ATXN7L2: variants seen among roughly 807,000 people sequenced by gnomAD.
ATXN7L2 encodes ataxin 7 like 2.
In ATXN7L2, 17 loss-of-function variants were observed where a neutral mutation model predicts 59.6. That is an observed-to-expected ratio of 0.29 (90% CI 0.20 to 0.43). The LOEUF (loss-of-function observed/expected upper bound fraction) is 0.43, where lower values mean the gene tolerates loss of function less well. Ranked by LOEUF, ATXN7L2 falls within the 20% of genes least tolerant of loss-of-function variation. ATXN7L2 has a pLI of 1.00. For synonymous variants in ATXN7L2, 378 were observed against 392.5 expected (o/e 0.96, Z 0.44); for missense variants, 858 against 1,008.9 (o/e 0.85, Z 2.03).
chr1:109,487,241 T>A, intron 4 of ATXN7L2, 24 bp downstream of exon 4: 1 of 1,492,466 alleles, frequency 6.7e-7, no homozygotes, highest in Non-Finnish European at 8.9e-7. Flanking sequence ...GGAAACTTTC[T>A]AAGACTGGCC....
intron 10 of ATXN7L2, 41 bp from the exon 11 acceptor site, chr1:109,492,545 C>T: frequency 1.2e-6 from 2 of 1,613,590 alleles, no homozygotes; most frequent in Non-Finnish European, 1.7e-6. Context: ...GCTGGTAGGC[C>T]CCCACCCTGA....
Position 109,491,657 on chromosome 1 carries a change from T to C in ATXN7L2, c.2190T>C (p.Ser730=). The change falls in exon 10 of 11, where the codon TCT becomes TCC. Residue 730 remains serine (S), a synonymous_variant. Transcript: ENST00000683729. This position sits in a 1 kb window ranked among gnomAD's most constrained non-coding sequence, Gnocchi z 4.1. Reference sequence around the variant, plus strand: ...GTGCCCCTGCTGATGTGGCCTGCTCTGTGCGCCGCAAGAAGCCAGGCCCGG... The same window carrying C: ...GTGCCCCTGCTGATGTGGCCTGCTCCGTGCGCCGCAAGAAGCCAGGCCCGG... ...QAGAPADVAC[S]VRRKKPGPAL... 3 of 1,611,738 alleles carry C rather than the reference T, an allele frequency of 1.9e-6. No homozygotes were observed. The highest frequency in any genetic ancestry group is 1.7e-6 in the Non-Finnish European group (2 of 1,179,054).
chr1:109,490,087 C>T lies in ATXN7L2; in HGVS notation c.1291C>T (p.Pro431Ser), dbSNP rs781395725. 4 of 1,594,384 alleles carry T rather than the reference C, an allele frequency of 2.5e-6. No individual in the cohort carries two copies. Among genetic ancestry groups the T allele is most frequent in the African/African-American group, 1.3e-5 (1 of 74,308 alleles). ...EGTSDDLHPP[P>S]DCHYATRPPR... ...GACATCTGACGACCTCCACCCACCC[C>T]CTGACTGCCATTATGCAACCCGGCC... The change falls in exon 8 of 11, where the codon CCT (proline) becomes TCT (serine). Residue 431 changes from proline (P) to serine (S), a missense_variant. By Grantham distance (74) the Pro-to-Ser change is moderately conservative. Coordinates refer to ENST00000683729, the MANE Select transcript of ATXN7L2 (RefSeq NM_001350175.2).
chr1:109,487,873 G>A, intron 5 of ATXN7L2, 69 bp downstream of exon 5: 1 of 1,497,680 alleles, frequency 6.7e-7, no homozygotes. Context: ...TTGTCCTTGG[G>A]CTGGATGAGG....
In ATXN7L2 at chr1:109,492,732, C is replaced by T; in HGVS notation, c.*132C>T. 1 of 1,040,312 alleles carries T rather than the reference C, an allele frequency of 9.6e-7. No individual in the cohort carries two copies. Among genetic ancestry groups the T allele is most frequent in the Non-Finnish European group, 1.4e-6 (1 of 713,240 alleles). The allele number at this position is 1,040,312 out of a possible 1,614,324, so 64.4% of individuals were successfully genotyped here. On this transcript the variant is annotated 3_prime_UTR_variant, in exon 11 of 11. Coordinates refer to ENST00000683729, the MANE Select transcript of ATXN7L2 (RefSeq NM_001350175.2). Reference sequence around the variant, plus strand: ...AGAAAAAAAGCTCTTTAAAATACCTCAAGACTGTCTCCCTGTTCTGTTGCT... The same window carrying T: ...AGAAAAAAAGCTCTTTAAAATACCTTAAGACTGTCTCCCTGTTCTGTTGCT...
Position 109,486,263 on chromosome 1 carries a change from G to T in ATXN7L2, c.193+141G>T. 3.0e-6 allele frequency: 4 copies of T among 1,319,704 alleles called. No individual in the cohort carries two copies. The highest frequency in any genetic ancestry group is 2.0e-6 in the Non-Finnish European group (2 of 988,570). The allele number at this position is 1,319,704 out of a possible 1,614,324, so 81.7% of individuals were successfully genotyped here. ...TTTGATAGGTCCGAGTCGGCCGGTT[G>T]TTCTGGCTCCTGTGACCTGTCGTTG... On this transcript the variant is annotated intron_variant, in intron 2 of 10. Coordinates refer to ENST00000683729, the MANE Select transcript of ATXN7L2 (RefSeq NM_001350175.2). The surrounding 1 kb of genome is among the most constrained non-coding windows in gnomAD (Gnocchi z 4.3).
chr1:109,490,148 G>A lies in ATXN7L2; in HGVS notation c.1332+20G>A, dbSNP rs374247564. 1.9e-6 allele frequency: 3 copies of A among 1,564,258 alleles called. No homozygotes were observed. The African/African-American group carries it at 4.1e-5, about 21-fold the overall frequency. On this transcript the variant is annotated intron_variant, in intron 8 of 10. Coordinates refer to ENST00000683729, the MANE Select transcript of ATXN7L2 (RefSeq NM_001350175.2). ...CAGGCGGTAAGGACCTGGAATAGGG[G>A]CCTATGGAGGGGGTGGCCCAGCACT...
At chr1:109,492,172 C>T (rs1657133064) in intron 10 of ATXN7L2, 2 of 983,290 alleles carry the variant, frequency 2.0e-6, no homozygotes, top group South Asian at 8.6e-5. Context: ...CACACAACCC[C>T]ATGTCCACTT....
Position 109,487,718 on chromosome 1 carries a change from G to A in ATXN7L2, c.710G>A (p.Gly237Glu). ...RENIEIIPSE[G>E]SSHWAEGSPP... ...AACATCGAGATCATCCCCAGTGAGG[G>A]GTCCAGTCACTGGGCTGAAGGCAGC... is the stretch of plus-strand genomic sequence containing the variant. Residue 237 changes from glycine to glutamate, a missense_variant, in exon 5 of 11, where the codon GGG (glycine) becomes GAG (glutamate). Around this residue, in one of 3 missense-constraint regions of ATXN7L2, gnomAD observed 734 missense variants for 862.3 expected, o/e 0.85. Coordinates refer to ENST00000683729, the MANE Select transcript of ATXN7L2 (RefSeq NM_001350175.2). 1 of 1,613,490 alleles carries A rather than the reference G, an allele frequency of 6.2e-7. No homozygotes were observed. Among genetic ancestry groups the A allele is most frequent in the Non-Finnish European group, 8.5e-7 (1 of 1,179,776 alleles).
At position 109,486,446 on chromosome 1, in the gene ATXN7L2, G is replaced by A. The variant is rs997485259; in HGVS notation, c.194-60G>A. ...TGAGTGTGGGGTGGGAGTGCTCTCCGATCTTCCAGAGAAACCCTGGGATCT... is the reference window on the plus strand; with the variant it reads ...TGAGTGTGGGGTGGGAGTGCTCTCCAATCTTCCAGAGAAACCCTGGGATCT... On this transcript the variant is annotated intron_variant, in intron 2 of 10. Transcript: ENST00000683729. The surrounding 1 kb of genome is among the most constrained non-coding windows in gnomAD (Gnocchi z 4.3). 9.0e-6 allele frequency: 13 copies of A among 1,449,514 alleles called. No individual in the cohort carries two copies. Among genetic ancestry groups the A allele is most frequent in the South Asian group, 4.8e-5 (4 of 82,926 alleles). The allele number at this position is 1,449,514 out of a possible 1,614,324, so 89.8% of individuals were successfully genotyped here.
Position 109,488,727 on chromosome 1 carries a change from C to T in ATXN7L2, c.880-120C>T. On this transcript the variant is annotated intron_variant, in intron 6 of 10. Coordinates refer to ENST00000683729, the MANE Select transcript of ATXN7L2 (RefSeq NM_001350175.2). This position sits in a 1 kb window ranked among gnomAD's most constrained non-coding sequence, Gnocchi z 5.0. ...ATGAAACAAAGACACATGAACACAG[C>T]TGCAAATATGCCCACCTCTCTCCCT... 1 of 1,306,854 alleles carries T rather than the reference C, an allele frequency of 7.7e-7. No homozygotes were observed. The highest frequency in any genetic ancestry group is 1.1e-6 in the Non-Finnish European group (1 of 941,636). The allele number at this position is 1,306,854 out of a possible 1,614,324, so 81.0% of individuals were successfully genotyped here.
At chr1:109,487,313 C>T in intron 4 of ATXN7L2, 96 bp downstream of exon 4, 1 of 1,285,272 alleles carries the variant, frequency 7.8e-7, no homozygotes. Context: ...AGGCATACTC[C>T]TCACAGCAGG....
In ATXN7L2 at chr1:109,491,088, T is replaced by C; in HGVS notation, c.1621T>C (p.Tyr541His). 1.2e-6 allele frequency: 2 copies of C among 1,613,680 alleles called. No homozygotes were observed. The highest frequency in any genetic ancestry group is 1.7e-6 in the Non-Finnish European group (2 of 1,179,992). The stretch of plus-strand genomic sequence containing the variant: ...CACCAAGGACAACCTTGTCCCCAGC[T>C]ACCCTGCAGGCTCCCCCAGCGTGGC... The part of the protein sequence containing the change: ...PPTKDNLVPS[Y>H]PAGSPSVAAA... Residue 541 changes from tyrosine (Y) to histidine (H), a missense_variant, in exon 10 of 11, where the codon TAC (tyrosine) becomes CAC (histidine). Tyr to His is a moderately conservative substitution (Grantham distance 83). Around this residue, in one of 3 missense-constraint regions of ATXN7L2, gnomAD observed 734 missense variants for 862.3 expected, o/e 0.85. Transcript: ENST00000683729. This position sits in a 1 kb window ranked among gnomAD's most constrained non-coding sequence, Gnocchi z 4.1.
chr1:109,492,470 A>G (rs1557875633), intron 10 of ATXN7L2, 116 bp from the exon 11 acceptor site: 18 of 1,409,852 alleles, frequency 1.3e-5, no homozygotes, highest in Non-Finnish European at 1.6e-5. Flanking sequence ...AGTTTTACTC[A>G]CCAGGCCAGC....
chr1:109,491,434 C>A lies in ATXN7L2; in HGVS notation c.1967C>A (p.Ala656Glu). The A allele has an allele frequency of 6.2e-7, 1 of 1,614,164 alleles. No individual in the cohort carries two copies. The highest frequency in any genetic ancestry group is 2.2e-5 in the East Asian group (1 of 44,892). ...NGTMGPRVKR[A>E]GPLDCRGSPH... ...ACAATGGGGCCAAGAGTGAAGCGGG[C>A]AGGGCCCCTGGACTGTCGTGGCTCC... is the stretch of plus-strand genomic sequence containing the variant. The change falls in exon 10 of 11, where the codon GCA becomes GAA. Residue 656 changes from alanine (A) to glutamate (E), a missense_variant. Ala to Glu is a moderately radical substitution (Grantham distance 107, BLOSUM62 -1). Around this residue, in one of 3 missense-constraint regions of ATXN7L2, gnomAD observed 734 missense variants for 862.3 expected, o/e 0.85. Coordinates refer to ENST00000683729, the MANE Select transcript of ATXN7L2 (RefSeq NM_001350175.2). This position sits in a 1 kb window ranked among gnomAD's most constrained non-coding sequence, Gnocchi z 4.1.
At chr1:109,489,368 C>G (rs10494041) in intron 7 of ATXN7L2, 93,853 of 498,494 alleles carry the variant, frequency 0.19, 9,459 homozygotes, top group East Asian at 0.3. Context: ...TCCAACAGAC[C>G]GAAACTTGTC....
rs760717788 is a variant in ATXN7L2, at chr1:109,487,593, C to T, written c.585C>T (p.Ala195=). 6.4e-7 allele frequency: 1 copy of T among 1,572,178 alleles called. No individual in the cohort carries two copies. The highest frequency in any genetic ancestry group is 8.6e-7 in the Non-Finnish European group (1 of 1,160,134). The change falls in exon 5 of 11, where the codon GCC becomes GCT. Residue 195 remains alanine (A), a synonymous_variant. Transcript: ENST00000683729. ...PKPDGHGIRV[A]PPSAFLSQPG... Reference sequence around the variant, plus strand: ...CTGATGGACATGGAATCAGGGTGGCCCCACCCTCTGCTTTTCTCAGCCAGC... The same window carrying T: ...CTGATGGACATGGAATCAGGGTGGCTCCACCCTCTGCTTTTCTCAGCCAGC...
intron 1 of ATXN7L2, among the ~76,000 whole-genome samples, chr1:109,484,640 T>C (rs1391600550): frequency 6.6e-6 from 1 of 152,172 alleles, no homozygotes; most frequent in South Asian, 2.1e-4. Context: ...CAACCCACTG[T>C]CCTTTCCCAG....
At chr1:109,485,691 G>A (rs1656536432) in intron 1 of ATXN7L2, 1 of 1,004,450 alleles carries the variant, frequency 1.0e-6, no homozygotes, top group Admixed American at 5.9e-5. Flanking sequence ...CCAGAAAAGA[G>A]ATGATACTTA....
Sources: allele counts gnomAD v4.1 joint callset (sites outside exome capture counted in the v4.1 genomes callset), GRCh38; gene constraint gnomAD v4.1.1; regional missense constraint gnomAD v4.1.1; non-coding constraint Gnocchi (gnomAD v3.1); transcripts MANE v1.5; gene names NCBI Gene and HGNC (gene_info 2026-07-23, HGNC 2026-07-21).